TCF12: variants seen among roughly 807,000 people sequenced by gnomAD.
TCF12 encodes the protein DNA-binding protein HTF4.
TCF12 carries 45 observed loss-of-function variants against 86.0 expected under a neutral mutation model. The observed-to-expected ratio is 0.52, with a 90% confidence interval of 0.41 to 0.67. The LOEUF (loss-of-function observed/expected upper bound fraction) is 0.67, where lower values mean the gene tolerates loss of function less well. TCF12 is among the 30% of genes least tolerant of loss of function. The probability of loss-of-function intolerance (pLI) is 0.00; values close to 1 mark genes in which losing one functional copy is unlikely to be tolerated. For missense variants in TCF12, 881 were observed against 859.9 expected (o/e 1.02, Z -0.31); for synonymous variants, 330 against 299.6 (o/e 1.10, Z -1.05).
chr15:56,919,745 CGCGCCGCG>C, intron 1 of TCF12, 139 bp from the exon 2 acceptor site: 1 of 633,206 alleles, frequency 1.6e-6, no homozygotes, highest in South Asian at 2.1e-5. Context: ...GCCCCTTGCT[CGCGCCGCG>C]GTGGGAGCGA....
intron 6 of TCF12, among the ~76,000 whole-genome samples, chr15:57,180,024 A>G (rs2056226752): frequency 6.6e-6 from 1 of 152,238 alleles, no homozygotes; most frequent in South Asian, 2.1e-4. Flanking sequence ...TTCTCAGGAT[A>G]GAATTCTTTA....
chr15:57,140,426 A>G (rs1427769764), intron 5 of TCF12, among the ~76,000 whole-genome samples: 1 of 152,220 alleles, frequency 6.6e-6, no homozygotes, highest in Non-Finnish European at 1.5e-5. Context: ...TCATCATCCA[A>G]CAACCCTTGA....
At chr15:56,977,340 C>T (rs1487539555) in intron 3 of TCF12, among the ~76,000 whole-genome samples, 1 of 152,072 alleles carries the variant, frequency 6.6e-6, no homozygotes, top group South Asian at 2.1e-4. Context: ...CGAGACCAGC[C>T]TTGGCAACGT....
rs34560099 is a variant in TCF12, at chr15:57,091,863, A to G, written c.297A>G (p.Pro99=). ...SRLGAHEGLS[P]TPFMNSNLMG... ...TAGGAGCCCATGAAGGCTTGTCCCC[A>G]ACACCTTTCATGAACTCAAATCTGA... The change falls in exon 5 of 21, where the codon CCA becomes CCG. Residue 99 remains proline, a synonymous_variant. Transcript: ENST00000333725. The G allele has an allele frequency of 0.01, 16,593 of 1,613,736 alleles. 830 individuals carry two copies. The African/African-American group carries it at 0.14, about 14-fold the overall frequency.
chr15:57,285,172 A>G (rs1480322470), intron 20 of TCF12, among the ~76,000 whole-genome samples: 1 of 152,242 alleles, frequency 6.6e-6, no homozygotes, highest in Non-Finnish European at 1.5e-5. Context: ...TGGCTAAGAC[A>G]TGACCACAGA....
At chr15:57,231,398 A>T in intron 9 of TCF12, 141 bp downstream of exon 9, 1 of 619,772 alleles carries the variant, frequency 1.6e-6, no homozygotes, top group South Asian at 2.1e-5. Context: ...TTAGCTTTAT[A>T]ATTTTCCAGT....
At chr15:57,259,248 C>T (rs2060478912) in intron 16 of TCF12, among the ~76,000 whole-genome samples, 1 of 152,118 alleles carries the variant, frequency 6.6e-6, no homozygotes, top group Non-Finnish European at 1.5e-5. Context: ...AAATGTAATA[C>T]TACCAAGTTT....
chr15:57,237,479 A>C (rs573393561), intron 12 of TCF12, among the ~76,000 whole-genome samples: 2 of 152,046 alleles, frequency 1.3e-5, no homozygotes, highest in Non-Finnish European at 2.9e-5. Flanking sequence ...TAGGAGGAGG[A>C]GTCTCATTTG....
chr15:56,970,902 A>T (rs1422256477), intron 3 of TCF12, among the ~76,000 whole-genome samples: 3 of 142,672 alleles, frequency 2.1e-5, no homozygotes, highest in African/African-American at 7.7e-5. Context: ...ATAAAAAAAA[A>T]AATTAGCTGG....
chr15:56,940,917 C>CTTTT (rs539031767), intron 3 of TCF12, among the ~76,000 whole-genome samples: 2 of 134,464 alleles, frequency 1.5e-5, no homozygotes, highest in Non-Finnish European at 3.2e-5. Context: ...CCCAGCTGCT[C>CTTTT]TTTTTTTTTT....
intron 4 of TCF12, among the ~76,000 whole-genome samples, chr15:57,083,939 G>A (rs747912546): frequency 1.3e-5 from 2 of 151,810 alleles, no homozygotes; most frequent in African/African-American, 4.8e-5. Context: ...CTATTTTTCC[G>A]GCCTGTTGTT....
chr15:57,118,793 T>C (rs1329281688), intron 5 of TCF12, among the ~76,000 whole-genome samples: 1 of 152,242 alleles, frequency 6.6e-6, no homozygotes, highest in East Asian at 1.9e-4. Flanking sequence ...TAGAGTTAGC[T>C]AGAATTCCAG....
At chr15:57,061,396 C>A (rs1233056530) in intron 3 of TCF12, among the ~76,000 whole-genome samples, 1 of 151,848 alleles carries the variant, frequency 6.6e-6, no homozygotes, top group African/African-American at 2.4e-5. Context: ...AGTTCAAGAC[C>A]AACCTAGGCA....
chr15:57,073,135 A>C (rs2069563106), intron 4 of TCF12, among the ~76,000 whole-genome samples: 1 of 152,182 alleles, frequency 6.6e-6, no homozygotes, highest in Non-Finnish European at 1.5e-5. Context: ...TTTGGAAATA[A>C]CCTTCATGTC....
chr15:57,221,541 G>A (rs1566937146), intron 8 of TCF12, among the ~76,000 whole-genome samples: 1 of 151,928 alleles, frequency 6.6e-6, no homozygotes, highest in Admixed American at 6.6e-5. Flanking sequence ...TACATTGGGA[G>A]GGGGGTAGGG....
At chr15:57,273,613 T>C (rs1473289008) in intron 19 of TCF12, among the ~76,000 whole-genome samples, 1 of 152,082 alleles carries the variant, frequency 6.6e-6, no homozygotes, top group African/African-American at 2.4e-5. Context: ...TCCCTGCTCT[T>C]TATGTCTTTC....
chr15:57,169,657 C>T (rs975443348), intron 6 of TCF12, among the ~76,000 whole-genome samples: 15 of 151,988 alleles, frequency 9.9e-5, no homozygotes, highest in African/African-American at 3.6e-4. Flanking sequence ...TTGAGAGCCA[C>T]TGGGCTAATG....
chr15:57,096,430 A>G (rs2049326730), intron 5 of TCF12, among the ~76,000 whole-genome samples: 2 of 152,120 alleles, frequency 1.3e-5, no homozygotes, highest in Admixed American at 6.5e-5. Flanking sequence ...GTTCTCTGAA[A>G]AGTAAAATAG....
intron 5 of TCF12, among the ~76,000 whole-genome samples, chr15:57,132,533 T>C (rs2052206384): frequency 6.6e-6 from 1 of 152,232 alleles, no homozygotes; most frequent in Non-Finnish European, 1.5e-5. Context: ...TTTCTGGCTC[T>C]GATGATTGAT....
Sources: allele counts gnomAD v4.1 joint callset (sites outside exome capture counted in the v4.1 genomes callset), GRCh38; gene constraint gnomAD v4.1.1; transcripts MANE v1.5; gene names NCBI Gene and HGNC (gene_info 2026-07-23, HGNC 2026-07-21).